Variants in SAG observed in about 807,000 individuals in gnomAD.
SAG encodes S-arrestin.
Under a neutral mutation model 55.0 loss-of-function variants are expected in SAG, and 45 were observed. The ratio of observed to expected loss-of-function variants is 0.82; its 90% confidence interval spans 0.64 to 1.05. The LOEUF (loss-of-function observed/expected upper bound fraction) is 1.05. Ranked by LOEUF, SAG falls within the 50% of genes least tolerant of loss-of-function variation. The pLI is 0.00. For synonymous variants in SAG, 189 were observed against 197.4 expected (o/e 0.96, Z 0.36); for missense variants, 455 against 512.1 (o/e 0.89, Z 1.08).
At chr2:233,313,934 T>C (rs1186341330) in intron 2 of SAG, among the ~76,000 whole-genome samples, 1 of 150,268 alleles carries the variant, frequency 6.7e-6, no homozygotes, top group Non-Finnish European at 1.5e-5. Flanking sequence ...TCACAAGAAA[T>C]AGCCAGGTAC....
At chr2:233,342,778 G>C (rs1206217686) in intron 14 of SAG, 1 of 147,868 alleles carries the variant, frequency 6.8e-6, no homozygotes, top group Non-Finnish European at 1.4e-5. Context: ...TTTTTTTTTT[G>C]AGACGGAGTC....
intron 3 of SAG, among the ~76,000 whole-genome samples, chr2:233,318,265 A>G (rs1236476120): frequency 1.3e-5 from 2 of 152,064 alleles, no homozygotes; most frequent in Non-Finnish European, 2.9e-5. Context: ...CCCGGGCTCA[A>G]GGGATCCTCC....
chr2:233,329,363 C>T (rs1700675100), intron 8 of SAG, 130 bp from the exon 9 acceptor site: 1 of 670,492 alleles, frequency 1.5e-6, no homozygotes, highest in East Asian at 2.7e-5. Flanking sequence ...GTATTGCTAT[C>T]ACTTCATCTT....
rs996905149 is a variant in SAG at position 233,326,970 on chromosome 2, A to C, written c.436-151A>C. 1.0e-5 allele frequency: 6 copies of C among 601,150 alleles called. No homozygotes were observed. The African/African-American group carries it at 1.1e-4, about 11-fold the overall frequency. The allele number at this position is 601,150 out of a possible 1,614,324, so 37.2% of individuals were successfully genotyped here. On this transcript the variant is annotated intron_variant, in intron 6 of 15. Transcript: ENST00000409110. The stretch of plus-strand genomic sequence containing the variant: ...TTGTTTCACTGTCAGTATGCTTCCA[A>C]ATCCCTAAATGGTGCAACCCCGAAT...
At chr2:233,312,674 G>A (rs986575377) in intron 2 of SAG, among the ~76,000 whole-genome samples, 1 of 152,176 alleles carries the variant, frequency 6.6e-6, no homozygotes, top group Non-Finnish European at 1.5e-5. Context: ...CAGTGGCATG[G>A]TGAAGCCATT....
intron 12 of SAG, among the ~76,000 whole-genome samples, chr2:233,339,809 C>T (rs566936020): frequency 8.0e-4 from 122 of 151,608 alleles, no homozygotes; most frequent in African/African-American, 2.7e-3. Context: ...ATTACAGGTG[C>T]CCACCACCAT....
chr2:233,336,227 C>T (rs778326228), intron 11 of SAG, among the ~76,000 whole-genome samples: 7 of 152,076 alleles, frequency 4.6e-5, no homozygotes, highest in Non-Finnish European at 8.8e-5. Flanking sequence ...TAAACATGTA[C>T]GACTCGGCCG....
Position 233,346,961 on chromosome 2 carries a change from C to A in SAG, c.*49C>A. 3 of 1,029,826 alleles carry A rather than the reference C, an allele frequency of 2.9e-6. No individual in the cohort carries two copies. The highest frequency in any genetic ancestry group is 2.5e-5 in the East Asian group (1 of 40,446). The allele number at this position is 1,029,826 out of a possible 1,614,324, so 63.8% of individuals were successfully genotyped here. ...AAATGACCTGTAGTTACCAGTGCAA[C>A]GAGCAAAGCCCCACAGTTTAGTCCT... On this transcript the variant is annotated 3_prime_UTR_variant, in exon 16 of 16. Coordinates refer to ENST00000409110, the MANE Select transcript of SAG (RefSeq NM_000541.5).
chr2:233,338,777 C>T (rs376719739), intron 12 of SAG, 24 bp downstream of exon 12: 13 of 1,595,896 alleles, frequency 8.1e-6, no homozygotes, highest in East Asian at 2.2e-5. Context: ...CACCAACCCT[C>T]GGGCTGCTCT....
rs1412637179 is a variant in SAG at position 233,340,511 on chromosome 2, T to C, written c.1046+33T>C. On this transcript the variant is annotated intron_variant, in intron 13 of 15. Transcript: ENST00000409110. This position sits in a 1 kb window ranked among gnomAD's most constrained non-coding sequence, Gnocchi z 4.2. ...TGTTCACCTTCCTTGTTTGATTGTT[T>C]CTCAAGATATCAAAGGCAGCAAACT... is the stretch of plus-strand genomic sequence containing the variant. 1 of 1,584,258 alleles carries C rather than the reference T, an allele frequency of 6.3e-7. No individual in the cohort carries two copies. The highest frequency in any genetic ancestry group is 8.6e-7 in the Non-Finnish European group (1 of 1,157,360).
At chr2:233,315,281 CTTTTTTTTTTTTTTTT>C (rs5839476) in intron 2 of SAG, among the ~76,000 whole-genome samples, 4,846 of 69,726 alleles carry the variant, frequency 0.07, 345 homozygotes, top group African/African-American at 0.21. Flanking sequence ...TCCAGAAGTT[CTTTTTTTTTTTTTTTT>C]TTTTTTTTTT....
intron 2 of SAG, among the ~76,000 whole-genome samples, chr2:233,314,337 C>T (rs1700161048): frequency 6.6e-6 from 1 of 152,170 alleles, no homozygotes; most frequent in South Asian, 2.1e-4. Context: ...TTCTCAGAAC[C>T]CCGAGGCCCT....
chr2:233,310,506 CTTTTTTT>C, intron 2 of SAG, among the ~76,000 whole-genome samples: 1 of 115,408 alleles, frequency 8.7e-6, no homozygotes, highest in African/African-American at 3.8e-5. Flanking sequence ...ATCATTCTGG[CTTTTTTT>C]TTTTTTTTTT....
intron 8 of SAG, 173 bp from the exon 9 acceptor site, chr2:233,329,320 G>A (rs1700674229): frequency 1.7e-6 from 1 of 587,730 alleles, no homozygotes; most frequent in Admixed American, 2.9e-5. Flanking sequence ...ACAGATGGGT[G>A]GAATGTGTTT....
chr2:233,335,200 A>G, intron 11 of SAG, 101 bp downstream of exon 11: 2 of 1,435,192 alleles, frequency 1.4e-6, no homozygotes, highest in Non-Finnish European at 9.4e-7. Flanking sequence ...ACGCACGTGC[A>G]GCATGGTGGT....
chr2:233,345,905 C>G (rs937207207), intron 14 of SAG: 8 of 152,484 alleles, frequency 5.2e-5, no homozygotes, highest in African/African-American at 1.9e-4. Context: ...GTAATCCCAG[C>G]ACTTGGGAGG....
chr2:233,315,153 A>T (rs920164893), intron 2 of SAG, among the ~76,000 whole-genome samples: 2 of 152,110 alleles, frequency 1.3e-5, no homozygotes, highest in Non-Finnish European at 2.9e-5. Flanking sequence ...GTGGGCCCAG[A>T]TGATGGCCAT....
intron 9 of SAG, among the ~76,000 whole-genome samples, chr2:233,330,061 G>A (rs1158366092): frequency 2.5e-4 from 38 of 152,228 alleles, no homozygotes; most frequent in Admixed American, 2.5e-3. Context: ...TGGCCATCAT[G>A]TCATGGCTGA....
chr2:233,327,369 G>T, intron 7 of SAG, 172 bp downstream of exon 7: 3 of 533,290 alleles, frequency 5.6e-6, no homozygotes, highest in Non-Finnish European at 1.0e-5. Context: ...GGAAAAAAAA[G>T]AAAACAAGAA....
Sources: allele counts gnomAD v4.1 joint callset (sites outside exome capture counted in the v4.1 genomes callset), GRCh38; gene constraint gnomAD v4.1.1; non-coding constraint Gnocchi (gnomAD v3.1); transcripts MANE v1.5; gene names NCBI Gene and HGNC (gene_info 2026-07-23, HGNC 2026-07-21).